FNIP2: variants seen among roughly 807,000 people sequenced by gnomAD.
FNIP2 encodes folliculin interacting protein 2, also known as folliculin-interacting protein 2.
Under a neutral mutation model 108.7 loss-of-function variants are expected in FNIP2, and 32 were observed. That is an observed-to-expected ratio of 0.29 (90% CI 0.22 to 0.40). FNIP2 has a LOEUF of 0.40. Among genes scored for constraint, FNIP2 ranks in the 10% least tolerant of loss-of-function variants. The probability of loss-of-function intolerance (pLI) is 1.00; values close to 1 mark genes in which losing one functional copy is unlikely to be tolerated. For synonymous variants in FNIP2, 480 were observed against 496.7 expected, an observed-to-expected ratio of 0.97 and a Z score of 0.45; for missense variants, 1,202 against 1,381.6, an observed-to-expected ratio of 0.87 and a Z score of 2.06.
chr4:158,854,579 AG>A (rs1390123203), intron 8 of FNIP2, among the ~76,000 whole-genome samples: 2 of 152,354 alleles, frequency 1.3e-5, no homozygotes, highest in East Asian at 3.9e-4. Context: ...TAACAAATAC[AG>A]GTTAACAAGA....
chr4:158,813,332 C>A (rs1213599791), intron 1 of FNIP2, among the ~76,000 whole-genome samples: 1 of 152,196 alleles, frequency 6.6e-6, no homozygotes, highest in East Asian at 1.9e-4. Context: ...TGCTCCACAT[C>A]CCCACCAGCA....
intron 7 of FNIP2, among the ~76,000 whole-genome samples, chr4:158,837,583 C>A (rs1778880396): frequency 6.6e-6 from 1 of 152,220 alleles, no homozygotes; most frequent in African/African-American, 2.4e-5. Context: ...CCTGAAACTA[C>A]TTTTCCTTGC....
intron 7 of FNIP2, among the ~76,000 whole-genome samples, chr4:158,847,800 A>G (rs547942046): frequency 1.3e-5 from 2 of 152,318 alleles, no homozygotes; most frequent in South Asian, 4.1e-4. Flanking sequence ...GCCTGGCAGC[A>G]TTCACCATAA....
chr4:158,854,244 T>C (rs1779858742), intron 8 of FNIP2, among the ~76,000 whole-genome samples: 1 of 152,262 alleles, frequency 6.6e-6, no homozygotes, highest in East Asian at 1.9e-4. Context: ...TAAATATCTG[T>C]GCAGACTCTA....
At position 158,902,130 on chromosome 4, in the gene FNIP2, A is replaced by G. The variant is rs192146258; in HGVS notation, c.3267-2336A>G. 7.5e-4 allele frequency among the ~76,000 whole-genome samples: 114 copies of G among 151,946 alleles called. 1 individual carries two copies. Among genetic ancestry groups the G allele is most frequent in the African/African-American group, 2.7e-3 (111 of 41,468 alleles). On this transcript the variant is annotated intron_variant, in intron 16 of 16. Transcript: ENST00000264433. ...TCTCCCCATCTTCATGGATTTATCT[A>G]CCTTTGGTCTTTTACGTTGGTGACC...
intron 16 of FNIP2, among the ~76,000 whole-genome samples, chr4:158,904,158 A>G (rs886356050): frequency 1.7e-4 from 26 of 152,234 alleles, no homozygotes; most frequent in Non-Finnish European, 3.5e-4. Context: ...GAAGTTATAT[A>G]GGGAATACAG....
intron 8 of FNIP2, among the ~76,000 whole-genome samples, chr4:158,856,510 T>C (rs146153340): frequency 1.3e-5 from 2 of 152,340 alleles, no homozygotes; most frequent in East Asian, 3.9e-4. Flanking sequence ...GCTGCAGCCT[T>C]TCCTTGACTC....
chr4:158,812,398 G>A (rs201883422), intron 1 of FNIP2, among the ~76,000 whole-genome samples: 1 of 152,072 alleles, frequency 6.6e-6, no homozygotes, highest in Non-Finnish European at 1.5e-5. Context: ...AACAGGGACA[G>A]ACTTGATAGC....
intron 12 of FNIP2, among the ~76,000 whole-genome samples, chr4:158,866,974 T>C (rs1306232231): frequency 1.3e-5 from 2 of 152,236 alleles, no homozygotes; most frequent in Non-Finnish European, 2.9e-5. Context: ...GTGTAACTTA[T>C]TATAAAATGT....
chr4:158,808,270 A>G (rs1006090779), intron 1 of FNIP2, among the ~76,000 whole-genome samples: 3 of 152,254 alleles, frequency 2.0e-5, no homozygotes, highest in African/African-American at 7.2e-5. Flanking sequence ...ATGTAAGGAC[A>G]TAATATGCAG....
In FNIP2 at chr4:158,835,327, T is replaced by G. The variant is rs1318026013; in HGVS notation, c.656-78T>G. 22 of 1,285,072 alleles carry G rather than the reference T, an allele frequency of 1.7e-5. No individual in the cohort carries two copies. The East Asian group carries it at 5.3e-4, about 31-fold the overall frequency. The allele number at this position is 1,285,072 out of a possible 1,614,324, so 79.6% of individuals were successfully genotyped here. A position where few individuals can be genotyped will look rare whatever the true frequency, so the allele number is the denominator to read the frequency against. ...AGTAGCAGTAGCCTACTTTGAAATT[T>G]AAAAATTACTGCAGTCATTTTAAAA... is the stretch of plus-strand genomic sequence containing the variant. On this transcript the variant is annotated intron_variant, in intron 6 of 16. Coordinates refer to ENST00000264433, the MANE Select transcript of FNIP2 (RefSeq NM_020840.3).
intron 7 of FNIP2, among the ~76,000 whole-genome samples, chr4:158,845,910 TAA>T (rs981446664): frequency 2.6e-5 from 4 of 152,246 alleles, no homozygotes; most frequent in African/African-American, 9.6e-5. Flanking sequence ...TTGCATGCCA[TAA>T]AAAGTGTCAT....
intron 1 of FNIP2, among the ~76,000 whole-genome samples, chr4:158,796,636 G>A (rs970368047): frequency 6.6e-6 from 1 of 152,178 alleles, no homozygotes; most frequent in African/African-American, 2.4e-5. Context: ...AACTCAAATA[G>A]GACAGTGAGT....
chr4:158,783,717 T>C (rs957014285), intron 1 of FNIP2, among the ~76,000 whole-genome samples: 7 of 152,170 alleles, frequency 4.6e-5, no homozygotes, highest in Non-Finnish European at 8.8e-5. Context: ...GACGAGGACA[T>C]TTGAACTGCA....
chr4:158,857,584 G>C (rs1233691372), intron 8 of FNIP2, among the ~76,000 whole-genome samples: 5 of 152,136 alleles, frequency 3.3e-5, no homozygotes, highest in Non-Finnish European at 5.9e-5. Flanking sequence ...CCAGGATCTT[G>C]CTTGAAGTTA....
At position 158,815,955 on chromosome 4, in the gene FNIP2, T is replaced by C. The variant is rs184773441; in HGVS notation, c.108-9961T>C. On this transcript the variant is annotated intron_variant, in intron 1 of 16. Coordinates refer to ENST00000264433, the MANE Select transcript of FNIP2 (RefSeq NM_020840.3). ...ACCATAATTTATTTAATCATCCTGC[T>C]GACAATTTGTTTCCAAACAGTGCTG... Among the ~76,000 whole-genome samples the C allele has an allele frequency of 2.3e-3, 350 of 152,338 alleles. 1 individual carries two copies. The highest frequency in any genetic ancestry group is 8.0e-3 in the African/African-American group (331 of 41,586).
At position 158,823,804 on chromosome 4, in the gene FNIP2, G is replaced by A. The variant is rs1435141420; in HGVS notation, c.108-2112G>A. 2.0e-5 allele frequency among the ~76,000 whole-genome samples: 3 copies of A among 152,098 alleles called. No homozygotes were observed. In the East Asian group the frequency reaches 5.8e-4, roughly 29 times the overall value. On this transcript the variant is annotated intron_variant, in intron 1 of 16. Coordinates refer to ENST00000264433, the MANE Select transcript of FNIP2 (RefSeq NM_020840.3). ...TTACAAGCTGAACAACTGAGTTTTGGGGCTGGCTCACACAGCCAGCTTGGG... is the reference window on the plus strand; with the variant it reads ...TTACAAGCTGAACAACTGAGTTTTGAGGCTGGCTCACACAGCCAGCTTGGG...
chr4:158,828,926 T>C (rs1427274982), intron 2 of FNIP2, among the ~76,000 whole-genome samples, 153 bp from the exon 3 acceptor site: 1 of 152,126 alleles, frequency 6.6e-6, no homozygotes, highest in Non-Finnish European at 1.5e-5. Context: ...TCCCAAACCA[T>C]GTTTTTGTCA....
At chr4:158,826,444 A>T (rs1437946118) in intron 2 of FNIP2, among the ~76,000 whole-genome samples, 2 of 152,240 alleles carry the variant, frequency 1.3e-5, no homozygotes, top group South Asian at 2.1e-4. Context: ...AGTGTTTCTC[A>T]TGGATAATAA....
Sources: gnomAD v4.1 joint callset for allele counts (sites outside exome capture counted in the v4.1 genomes callset) on GRCh38, gnomAD v4.1.1 for gene constraint, MANE v1.5 for transcripts, NCBI Gene and HGNC (gene_info 2026-07-23, HGNC 2026-07-21) for gene names.